SOX5: variants seen among roughly 807,000 people sequenced by gnomAD.
The protein encoded by SOX5 is transcription factor SOX-5.
Under a neutral mutation model 92.0 loss-of-function variants are expected in SOX5, and 9 were observed. That is an observed-to-expected ratio of 0.10 (90% confidence interval 0.06 to 0.17). The LOEUF is 0.17. Ranked by LOEUF, SOX5 falls within the 10% of genes least tolerant of loss-of-function variation. The pLI is 1.00. For synonymous variants in SOX5, 344 were observed against 336.3 expected (o/e 1.02, Z -0.25); for missense variants, 642 against 944.5 (o/e 0.68, Z 4.20).
chr12:24,465,499 T>C (rs996118655), intron 1 of SOX5, among the ~76,000 whole-genome samples: 13 of 152,210 alleles, frequency 8.5e-5, no homozygotes, highest in African/African-American at 3.1e-4. Context: ...AAAAACAGAC[T>C]TTGTTCTTGC....
At chr12:23,910,881 CT>C (rs1466033989) in intron 1 of SOX5, among the ~76,000 whole-genome samples, 1 of 152,052 alleles carries the variant, frequency 6.6e-6, no homozygotes, top group Non-Finnish European at 1.5e-5. Flanking sequence ...TCAGAGTAAA[CT>C]ATTATCTATA....
chr12:24,425,563 C>T (rs1966633948), intron 1 of SOX5, among the ~76,000 whole-genome samples: 1 of 152,142 alleles, frequency 6.6e-6, no homozygotes, highest in African/African-American at 2.4e-5. Context: ...GTACTGACTG[C>T]ACTTTGTAAT....
intron 4 of SOX5, among the ~76,000 whole-genome samples, chr12:24,004,225 T>C (rs1951904156): frequency 6.6e-6 from 1 of 151,446 alleles, no homozygotes; most frequent in Non-Finnish European, 1.5e-5. Context: ...AAAAAAAATC[T>C]TCCTGGTCTT....
chr12:23,705,983 A>G (rs995735586), intron 6 of SOX5, among the ~76,000 whole-genome samples: 1 of 151,246 alleles, frequency 6.6e-6, no homozygotes, highest in Non-Finnish European at 1.5e-5. Flanking sequence ...TTTTTTTTTA[A>G]CTGTTTAAAG....
At chr12:24,145,093 C>CA (rs1193310804) in intron 4 of SOX5, among the ~76,000 whole-genome samples, 1 of 149,728 alleles carries the variant, frequency 6.7e-6, no homozygotes, top group Non-Finnish European at 1.5e-5. Context: ...GACCCTGTCT[C>CA]AAAAAAAAGA....
chr12:24,072,783 T>C (rs1380360203), intron 4 of SOX5, among the ~76,000 whole-genome samples: 1 of 152,214 alleles, frequency 6.6e-6, no homozygotes, highest in Non-Finnish European at 1.5e-5. Flanking sequence ...TATAAAAATA[T>C]CACTTCATGG....
rs540264814 is a variant in SOX5 at position 23,818,113 on chromosome 12, T to G, written c.481+27870A>C. Among the ~76,000 whole-genome samples the G allele has an allele frequency of 2.7e-4, 41 of 152,364 alleles. 1 individual carries two copies. The South Asian group carries it at 8.1e-3, about 30-fold the overall frequency. ...AGGACAGAAGTGGGAGTTCCCATTCTGTATTGAGATCCTGATCTGTGTACA... is the reference window on the plus strand; with the variant it reads ...AGGACAGAAGTGGGAGTTCCCATTCGGTATTGAGATCCTGATCTGTGTACA... On this transcript the variant is annotated intron_variant, in intron 3 of 14. Coordinates refer to ENST00000451604, the MANE Select transcript of SOX5 (RefSeq NM_006940.6).
intron 2 of SOX5, among the ~76,000 whole-genome samples, chr12:24,327,107 G>T (rs1334034799): frequency 1.3e-5 from 2 of 152,118 alleles, no homozygotes; most frequent in Non-Finnish European, 2.9e-5. Context: ...ATAACAATAG[G>T]ACATTGATAG....
At chr12:23,543,136 G>T (rs1395624470) in intron 13 of SOX5, 75 bp downstream of exon 13, 1 of 1,257,432 alleles carries the variant, frequency 8.0e-7, no homozygotes, top group East Asian at 2.4e-5. Flanking sequence ...CCAAATCCAG[G>T]ATCCTTCCAC....
At chr12:23,871,660 AAATAC>A (rs1488550687) in intron 2 of SOX5, among the ~76,000 whole-genome samples, 3 of 152,252 alleles carry the variant, frequency 2.0e-5, no homozygotes, top group Admixed American at 2.0e-4. Flanking sequence ...ATAAATAAAT[AAATAC>A]AACAAAATAT....
chr12:24,491,824 A>G (rs904715945), intron 1 of SOX5, among the ~76,000 whole-genome samples: 1 of 152,218 alleles, frequency 6.6e-6, no homozygotes, highest in Admixed American at 6.5e-5. Context: ...TTTATTTTTT[A>G]CTGTTGTAGG....
intron 4 of SOX5, among the ~76,000 whole-genome samples, chr12:24,116,474 C>CT (rs1046997551): frequency 2.6e-5 from 4 of 151,890 alleles, no homozygotes; most frequent in African/African-American, 9.7e-5. Flanking sequence ...TTTCTAAATT[C>CT]TTTTTTTTCC....
chr12:24,470,954 T>C (rs947895429), intron 1 of SOX5, among the ~76,000 whole-genome samples: 3 of 152,204 alleles, frequency 2.0e-5, no homozygotes, highest in Admixed American at 6.5e-5. Flanking sequence ...GCGATTGTTA[T>C]TATTAGATTT....
chr12:24,241,456 G>A (rs547318541), intron 3 of SOX5, among the ~76,000 whole-genome samples: 1 of 152,086 alleles, frequency 6.6e-6, no homozygotes, highest in African/African-American at 2.4e-5. Context: ...TCCTGGCCAG[G>A]AGTATGTCAA....
chr12:24,359,488 T>C (rs1444725453), intron 2 of SOX5, among the ~76,000 whole-genome samples: 1 of 152,188 alleles, frequency 6.6e-6, no homozygotes, highest in Non-Finnish European at 1.5e-5. Flanking sequence ...TTGAAATGTT[T>C]ACAAGGGGCA....
chr12:24,306,021 G>A (rs554325848), intron 2 of SOX5, among the ~76,000 whole-genome samples: 2 of 152,186 alleles, frequency 1.3e-5, no homozygotes, highest in African/African-American at 2.4e-5. Context: ...CCCAAGGAAC[G>A]TGAGGATCAG....
intron 8 of SOX5, among the ~76,000 whole-genome samples, chr12:23,634,287 C>T (rs567674000): frequency 2.0e-5 from 3 of 152,160 alleles, no homozygotes; most frequent in African/African-American, 7.2e-5. Flanking sequence ...AAACATAATA[C>T]ATTTTATAGT....
At chr12:24,023,692 A>C (rs1415572224) in intron 4 of SOX5, among the ~76,000 whole-genome samples, 1 of 152,104 alleles carries the variant, frequency 6.6e-6, no homozygotes, top group Non-Finnish European at 1.5e-5. Context: ...GATAAAAGTG[A>C]TTCCCCATTA....
chr12:24,016,501 T>C (rs1250594375), intron 4 of SOX5, among the ~76,000 whole-genome samples: 1 of 152,054 alleles, frequency 6.6e-6, no homozygotes, highest in Non-Finnish European at 1.5e-5. Context: ...CATTTGGCCC[T>C]CAACAACAAC....
Sources: gnomAD v4.1 joint callset for allele counts (sites outside exome capture counted in the v4.1 genomes callset) on GRCh38, gnomAD v4.1.1 for gene constraint, MANE v1.5 for transcripts, NCBI Gene and HGNC (gene_info 2026-07-23, HGNC 2026-07-21) for gene names.